Variants in ELP1 observed in about 807,000 individuals in gnomAD.
ELP1 encodes elongator complex protein 1.
In ELP1, 131 loss-of-function variants were observed where a neutral mutation model predicts 183.2. The ratio of observed to expected loss-of-function variants is 0.72; its 90% CI spans 0.62 to 0.83. The LOEUF (loss-of-function observed/expected upper bound fraction) is 0.83. Ranked by LOEUF, ELP1 falls within the 40% of genes least tolerant of loss-of-function variation. The pLI is 0.00. For synonymous variants in ELP1, 555 were observed against 569.0 expected (o/e 0.98, Z 0.35); for missense variants, 1,550 against 1,594.9 (o/e 0.97, Z 0.48).
chr9:108,893,845 G>T, intron 26 of ELP1, 98 bp downstream of exon 26: 1 of 1,300,308 alleles, frequency 7.7e-7, no homozygotes, highest in Non-Finnish European at 1.1e-6. Flanking sequence ...AGTGGGAAGT[G>T]AAATCAGTCA....
chr9:108,927,105 C>T (rs1018354125), intron 4 of ELP1, among the ~76,000 whole-genome samples: 3 of 152,148 alleles, frequency 2.0e-5, no homozygotes, highest in African/African-American at 7.2e-5. Flanking sequence ...TTGTTTCTTA[C>T]TCCCAAAGAC....
intron 9 of ELP1, among the ~76,000 whole-genome samples, chr9:108,917,205 C>T (rs1367445486): frequency 5.9e-5 from 9 of 152,158 alleles, no homozygotes; most frequent in Admixed American, 3.3e-4. Flanking sequence ...TGGTGGCTCA[C>T]GCCTGTAATC....
rs144851194 is a variant in ELP1 at position 108,896,694 on chromosome 9, TC to T, written c.2588-51del. 62 of 1,556,118 alleles carry T rather than the reference TC, an allele frequency of 4.0e-5. No homozygotes were observed. The African/African-American group carries it at 8.3e-4, about 21-fold the overall frequency. ...AGAACACAATCATTTGGGGAAAAAA[TC>T]CACAGACCTAACAACATAACCAAAA... is the stretch of plus-strand genomic sequence containing the variant. On this transcript the variant is annotated intron_variant, in intron 24 of 36. Coordinates refer to ENST00000374647, the MANE Select transcript of ELP1 (RefSeq NM_003640.5).
At chr9:108,915,147 C>A (rs1274123750) in intron 10 of ELP1, among the ~76,000 whole-genome samples, 1 of 152,148 alleles carries the variant, frequency 6.6e-6, no homozygotes, top group Non-Finnish European at 1.5e-5. Flanking sequence ...CTTACTTTTA[C>A]GCTTAATCTA....
intron 21 of ELP1, 34 bp downstream of exon 21, chr9:108,898,637 G>C (rs781416666): frequency 6.3e-7 from 1 of 1,595,938 alleles, no homozygotes; most frequent in Non-Finnish European, 8.6e-7. Flanking sequence ...TAAGTACAAA[G>C]TAAGCTAGAG....
intron 20 of ELP1, among the ~76,000 whole-genome samples, chr9:108,899,478 T>A (rs1243781288): frequency 6.6e-6 from 1 of 152,162 alleles, no homozygotes; most frequent in Admixed American, 6.5e-5. Context: ...TATTGAAAGC[T>A]GTGGGCTTTC....
chr9:108,889,516 G>T, intron 28 of ELP1, 123 bp from the exon 29 acceptor site: 1 of 857,326 alleles, frequency 1.2e-6, no homozygotes, highest in Admixed American at 1.9e-5. Context: ...TGAGGGAATA[G>T]GTATATACAC....
In ELP1 at chr9:108,876,731, CTT is replaced by C. The variant is rs35897844; in HGVS notation, c.3855+1262_3855+1263del. ...CTAGATTTCTTCCGTGATTGGCTGG[CTT>C]TTTTTTTTTTTTTTTTAAACGGAGA... is the stretch of plus-strand genomic sequence containing the variant. On this transcript the variant is annotated intron_variant, in intron 35 of 36. Coordinates refer to ENST00000374647, the MANE Select transcript of ELP1 (RefSeq NM_003640.5). Among the ~76,000 whole-genome samples the C allele has an allele frequency of 3.6e-3, 495 of 138,346 alleles. 1 individual carries two copies. The highest frequency in any genetic ancestry group is 0.018 in the East Asian group (86 of 4,732). 90.8% of individuals were successfully genotyped at this position (138,346 alleles called of 152,430 possible). A position where few individuals can be genotyped will look rare whatever the true frequency, so the allele number is the denominator to read the frequency against.
At chr9:108,883,065 T>C (rs1485781662) in intron 29 of ELP1, among the ~76,000 whole-genome samples, 1 of 152,232 alleles carries the variant, frequency 6.6e-6, no homozygotes, top group South Asian at 2.1e-4. Flanking sequence ...TAAATCCAAT[T>C]TATCAATTTA....
At position 108,900,274 on chromosome 9, in the gene ELP1, T is replaced by C. The variant is rs1828719481; in HGVS notation, c.2116A>G (p.Lys706Glu). Reference protein sequence around the residue: ...RIVTVVPQDTKLVLQMPRGNL... With the variant: ...RIVTVVPQDTELVLQMPRGNL... ...AACCAGCTTACCTGTAATACAAGCT[T>C]TGTGTCCTGGGGCACAACAGTGACA... is the stretch of plus-strand genomic sequence containing the variant. Residue 706 changes from lysine to glutamate, a missense_variant, in exon 19 of 37, where the codon AAG becomes GAG. By Grantham distance (56) the Lys-to-Glu change is moderately conservative (BLOSUM62 1). Coordinates refer to ENST00000374647, the MANE Select transcript of ELP1 (RefSeq NM_003640.5). 6.2e-7 allele frequency: 1 copy of C among 1,613,552 alleles called. No homozygotes were observed. The highest frequency in any genetic ancestry group is 1.1e-5 in the South Asian group (1 of 91,082).
In ELP1 at chr9:108,912,503, G is replaced by C. The variant is rs751595315; in HGVS notation, c.959-9C>G. On this transcript the variant is annotated splice_polypyrimidine_tract_variant and intron_variant, in intron 10 of 36. Coordinates refer to ENST00000374647, the MANE Select transcript of ELP1 (RefSeq NM_003640.5). ...AACAGTCCAGAGCTGAACTGCAAGG[G>C]AAAATGAAAAGAAGGCCGTTAGAGG... 1 of 1,601,446 alleles carries C rather than the reference G, an allele frequency of 6.2e-7. No homozygotes were observed.
chr9:108,896,822 G>A (rs1268385307), intron 24 of ELP1, 131 bp downstream of exon 24: 1 of 1,065,774 alleles, frequency 9.4e-7, no homozygotes, highest in Non-Finnish European at 1.5e-6. Context: ...AACTGACAAG[G>A]GTCTTAAAAT....
intron 5 of ELP1, among the ~76,000 whole-genome samples, chr9:108,925,381 A>G (rs1829794000): frequency 6.6e-6 from 1 of 152,138 alleles, no homozygotes; most frequent in African/African-American, 2.4e-5. Context: ...AGTAACCCAC[A>G]ATGTTTCTAT....
chr9:108,914,623 C>T (rs930686947), intron 10 of ELP1, among the ~76,000 whole-genome samples: 8 of 151,986 alleles, frequency 5.3e-5, no homozygotes, highest in Non-Finnish European at 1.0e-4. Flanking sequence ...ATCACACCTA[C>T]ACTTTTTTTT....
chr9:108,917,143 G>C (rs1829465863), intron 9 of ELP1, among the ~76,000 whole-genome samples: 1 of 152,120 alleles, frequency 6.6e-6, no homozygotes, highest in Non-Finnish European at 1.5e-5. Flanking sequence ...TTACTCTAAA[G>C]CTACTATTTA....
chr9:108,889,537 T>C (rs1828246309), intron 28 of ELP1, 144 bp from the exon 29 acceptor site: 1 of 741,820 alleles, frequency 1.3e-6, no homozygotes, highest in Non-Finnish European at 2.4e-6. Flanking sequence ...CACAGAGTCC[T>C]ATCTTAAATG....
rs1439625305 is a variant in ELP1 at position 108,930,707 on chromosome 9, A to AC, written c.150+289_150+290insG. Among the ~76,000 whole-genome samples, 269 of 152,016 alleles carry AC rather than the reference A, an allele frequency of 1.8e-3. 1 individual carries two copies. Among genetic ancestry groups the AC allele is most frequent in the African/African-American group, 6.1e-3 (252 of 41,452 alleles). On this transcript the variant is annotated intron_variant, in intron 2 of 36. Coordinates refer to ENST00000374647, the MANE Select transcript of ELP1 (RefSeq NM_003640.5). ...CTCCGTCTCAAAAAAAAAAAAAAAAAAAACCACTCTTATAAACAGAATTTG... is the reference window on the plus strand; with the variant it reads ...CTCCGTCTCAAAAAAAAAAAAAAAAACAAACCACTCTTATAAACAGAATTTG...
chr9:108,893,855 A>T, intron 26 of ELP1, 88 bp downstream of exon 26: 1 of 1,370,176 alleles, frequency 7.3e-7, no homozygotes, highest in Non-Finnish European at 1.0e-6. Flanking sequence ...GAAATCAGTC[A>T]CTGTCTAAAC....
chr9:108,923,816 C>T (rs535127595), intron 5 of ELP1, among the ~76,000 whole-genome samples: 1 of 152,310 alleles, frequency 6.6e-6, no homozygotes, highest in Admixed American at 6.5e-5. Flanking sequence ...CAACACAACC[C>T]TTCTGTTCCT....
Sources: gnomAD v4.1 joint callset for allele counts (sites outside exome capture counted in the v4.1 genomes callset) on GRCh38, gnomAD v4.1.1 for gene constraint, MANE v1.5 for transcripts, NCBI Gene and HGNC (gene_info 2026-07-23, HGNC 2026-07-21) for gene names.